Variants in AKT3 observed in about 807,000 individuals in gnomAD.
The protein encoded by AKT3 is RAC-gamma serine/threonine-protein kinase.
A neutral mutation model predicts 65.3 loss-of-function variants in AKT3; 15 were observed. The ratio of observed to expected loss-of-function variants is 0.23; its 90% CI spans 0.15 to 0.35. The LOEUF is 0.35. Among genes scored for constraint, AKT3 ranks in the 10% least tolerant of loss-of-function variants. The pLI is 1.00. For synonymous variants in AKT3, 206 were observed against 183.8 expected, an observed-to-expected ratio of 1.12 and a Z score of -0.98; for missense variants, 243 against 576.5, an observed-to-expected ratio of 0.42 and a Z score of 5.92.
At chr1:243,561,233 A>G (rs1248822212) in intron 10 of AKT3, among the ~76,000 whole-genome samples, 4 of 152,144 alleles carry the variant, frequency 2.6e-5, no homozygotes, top group Admixed American at 2.0e-4. Flanking sequence ...AGAATAATAG[A>G]CCAGCATGAG....
chr1:243,767,806 G>T (rs1689927680), intron 2 of AKT3, among the ~76,000 whole-genome samples: 2 of 152,016 alleles, frequency 1.3e-5, no homozygotes, highest in Non-Finnish European at 2.9e-5. Flanking sequence ...CTCTACTTTG[G>T]TATAAGTCTG....
At chr1:243,705,153 A>C (rs1685717249) in intron 2 of AKT3, among the ~76,000 whole-genome samples, 1 of 152,242 alleles carries the variant, frequency 6.6e-6, no homozygotes, top group African/African-American at 2.4e-5. Flanking sequence ...TGTCATTTTT[A>C]CATTAAGTAC....
intron 6 of AKT3, among the ~76,000 whole-genome samples, chr1:243,633,091 A>T (rs1679725293): frequency 1.3e-5 from 2 of 152,200 alleles, no homozygotes; most frequent in Non-Finnish European, 2.9e-5. Context: ...GCCAGAAGGC[A>T]ATTGGTTGAT....
intron 2 of AKT3, among the ~76,000 whole-genome samples, chr1:243,721,526 T>C (rs776005905): frequency 2.6e-5 from 4 of 152,202 alleles, no homozygotes; most frequent in Non-Finnish European, 5.9e-5. Context: ...AGATTTGTTA[T>C]GCTTTTCTCT....
At chr1:243,601,132 T>C (rs1676971060) in intron 8 of AKT3, among the ~76,000 whole-genome samples, 1 of 152,088 alleles carries the variant, frequency 6.6e-6, no homozygotes, top group African/African-American at 2.4e-5. Flanking sequence ...AAAGTGTATT[T>C]TGGAACAATT....
At chr1:243,811,464 G>A (rs890458416) in intron 2 of AKT3, among the ~76,000 whole-genome samples, 1 of 152,104 alleles carries the variant, frequency 6.6e-6, no homozygotes, top group Non-Finnish European at 1.5e-5. Flanking sequence ...AACTTACAAG[G>A]GATGTGAAGG....
At chr1:243,644,357 T>C (rs1321609244) in intron 5 of AKT3, among the ~76,000 whole-genome samples, 1 of 152,166 alleles carries the variant, frequency 6.6e-6, no homozygotes, top group Non-Finnish European at 1.5e-5. Context: ...AGAACTTTAC[T>C]ATCACAACCT....
At chr1:243,494,728 A>G (rs3006928), downstream of AKT3, among the ~76,000 whole-genome samples, 134,785 of 152,300 alleles carry the variant, frequency 0.88, 59,888 homozygotes, top group African/African-American at 0.94. Context: ...AGATACATTC[A>G]CTCTACTTAT....
chr1:243,562,787 G>A (rs1673889001), intron 10 of AKT3, among the ~76,000 whole-genome samples: 2 of 152,134 alleles, frequency 1.3e-5, no homozygotes, highest in African/African-American at 2.4e-5. Context: ...TCCAGCCATA[G>A]AATCATGCTC....
At chr1:243,526,956 C>T (rs2148401948) in intron 12 of AKT3, among the ~76,000 whole-genome samples, 1 of 152,002 alleles carries the variant, frequency 6.6e-6, no homozygotes, top group East Asian at 1.9e-4. Flanking sequence ...GAAGTGTATA[C>T]TTTAAAGGGT....
At chr1:243,604,491 C>T (rs900605671) in intron 8 of AKT3, among the ~76,000 whole-genome samples, 7 of 152,160 alleles carry the variant, frequency 4.6e-5, no homozygotes, top group African/African-American at 1.7e-4. Context: ...GTGGGGGAAC[C>T]TGTCTGCTCC....
intron 12 of AKT3, among the ~76,000 whole-genome samples, chr1:243,538,918 G>A (rs1357819346): frequency 6.6e-6 from 1 of 151,746 alleles, no homozygotes; most frequent in East Asian, 1.9e-4. Flanking sequence ...CTAACAATGA[G>A]GCTTCAAAAC....
chr1:243,687,616 T>A (rs1017395812), intron 3 of AKT3: 1 of 151,440 alleles, frequency 6.6e-6, no homozygotes, highest in Non-Finnish European at 1.5e-5. Context: ...CTTTTTCTGT[T>A]TTTTTTTTCT....
At chr1:243,595,267 TG>T (rs1676519567) in intron 8 of AKT3, among the ~76,000 whole-genome samples, 1 of 152,116 alleles carries the variant, frequency 6.6e-6, no homozygotes, top group South Asian at 2.1e-4. Flanking sequence ...AGTAAAAATA[TG>T]ATATAGAAGA....
chr1:243,662,079 G>C (rs1682393799), intron 4 of AKT3, among the ~76,000 whole-genome samples: 1 of 150,636 alleles, frequency 6.6e-6, no homozygotes, highest in Non-Finnish European at 1.5e-5. Context: ...AGGATGTGGA[G>C]AAATAGGAAC....
chr1:243,629,878 C>G (rs1484252714), intron 6 of AKT3, among the ~76,000 whole-genome samples: 1 of 152,186 alleles, frequency 6.6e-6, no homozygotes, highest in African/African-American at 2.4e-5. Flanking sequence ...CTTGTACCCT[C>G]TGATGCACAA....
At position 243,843,265 on chromosome 1, in the gene AKT3, C is replaced by A; in HGVS notation, c.-95G>T. 1.3e-6 allele frequency: 2 copies of A among 1,494,766 alleles called. No individual in the cohort carries two copies. Among genetic ancestry groups the A allele is most frequent in the South Asian group, 1.4e-5 (1 of 70,442 alleles). 92.6% of individuals were successfully genotyped at this position (1,494,766 alleles called of 1,614,324 possible). A position where few individuals can be genotyped will look rare whatever the true frequency, so the allele number is the denominator to read the frequency against. On this transcript the variant is annotated 5_prime_UTR_variant, in exon 2 of 14. Transcript: ENST00000673466. ...CTCTGCTGCTGCTGCCCTTCCCACT[C>A]TCTAGTGATGACTCAGCCTGGAAGG...
At chr1:243,513,572 T>C (rs1226373322) in intron 12 of AKT3, among the ~76,000 whole-genome samples, 1 of 152,208 alleles carries the variant, frequency 6.6e-6, no homozygotes, top group Non-Finnish European at 1.5e-5. Context: ...TTAAGAATCG[T>C]GGGATGAGCA....
At chr1:243,517,170 A>G (rs1199789152) in intron 12 of AKT3, among the ~76,000 whole-genome samples, 5 of 152,140 alleles carry the variant, frequency 3.3e-5, no homozygotes, top group Non-Finnish European at 5.9e-5. Flanking sequence ...CATTTCCTTC[A>G]AAGAGAAAAT....
Sources: gnomAD v4.1 joint callset for allele counts (sites outside exome capture counted in the v4.1 genomes callset) on GRCh38, gnomAD v4.1.1 for gene constraint, MANE v1.5 for transcripts, NCBI Gene and HGNC (gene_info 2026-07-23, HGNC 2026-07-21) for gene names.